The following TOP6BL variants were observed in gnomAD, a reference collection of about 807,000 sequenced individuals.
TOP6BL encodes the protein type 2 DNA topoisomerase 6 subunit B-like.
chr11:66,756,520 C>T, the TOP6BL span: 128 of 1,029,880 alleles, frequency 1.2e-4, 1 homozygote, highest in African/African-American at 1.6e-3. Flanking sequence ...GGAGTGCTTC[C>T]ACCTGCTCCA....
the TOP6BL span, among the ~76,000 whole-genome samples, chr11:66,834,916 A>C: frequency 6.6e-6 from 1 of 151,376 alleles, no homozygotes; most frequent in Non-Finnish European, 1.5e-5. Context: ...ACAAGATAGT[A>C]CTCCAGGGTT....
At chr11:66,758,643 T>C in the TOP6BL span, among the ~76,000 whole-genome samples, 2 of 152,134 alleles carry the variant, frequency 1.3e-5, no homozygotes, top group Non-Finnish European at 2.9e-5. Context: ...TAAAATTGGT[T>C]AGAAGAAGAG....
chr11:66,788,772 C>A, the TOP6BL span, among the ~76,000 whole-genome samples: 1 of 152,076 alleles, frequency 6.6e-6, no homozygotes, highest in Admixed American at 6.6e-5. Context: ...TGTGGTCTTG[C>A]TATGTCGCAC....
At chr11:66,843,471 G>A in the TOP6BL span, 1 of 1,427,400 alleles carries the variant, frequency 7.0e-7, no homozygotes, top group Non-Finnish European at 9.1e-7. Flanking sequence ...GGCGCTGGGC[G>A]GGGATGGGCT....
At chr11:66,782,436 T>G in the TOP6BL span, among the ~76,000 whole-genome samples, 2 of 152,182 alleles carry the variant, frequency 1.3e-5, no homozygotes, top group Admixed American at 1.3e-4. Context: ...ACACAGACTT[T>G]AGTACCCTGC....
the TOP6BL span, among the ~76,000 whole-genome samples, chr11:66,796,770 G>A: frequency 6.9e-6 from 1 of 145,984 alleles, no homozygotes; most frequent in East Asian, 2.0e-4. Context: ...GTGACAGAGC[G>A]AGACCCTGTC....
At chr11:66,777,599 A>G in the TOP6BL span, among the ~76,000 whole-genome samples, 1 of 152,092 alleles carries the variant, frequency 6.6e-6, no homozygotes, top group Non-Finnish European at 1.5e-5. Flanking sequence ...ATTGCTTTGT[A>G]AAAAGTGTTG....
chr11:66,788,355 C>T, the TOP6BL span: 2 of 1,029,864 alleles, frequency 1.9e-6, no homozygotes, highest in African/African-American at 3.3e-5. Context: ...AAGCCTAGGT[C>T]CATCAAAGTT....
chr11:66,825,445 C>T, the TOP6BL span, among the ~76,000 whole-genome samples: 12 of 151,316 alleles, frequency 7.9e-5, no homozygotes, highest in Non-Finnish European at 1.8e-4. Context: ...GAGCTGAGTT[C>T]GCACCATTAC....
chr11:66,778,893 A>G, the TOP6BL span, among the ~76,000 whole-genome samples: 4 of 152,238 alleles, frequency 2.6e-5, no homozygotes, highest in Non-Finnish European at 4.4e-5. Context: ...GACAGACCTG[A>G]CAAAAACAAG....
the TOP6BL span, chr11:66,838,530 G>A: frequency 4.0e-6 from 5 of 1,264,782 alleles, no homozygotes; most frequent in South Asian, 5.0e-5. Context: ...CTATTCCACT[G>A]TACCTTCTAC....
chr11:66,829,915 TAAAC>T, the TOP6BL span, among the ~76,000 whole-genome samples: 13 of 151,994 alleles, frequency 8.6e-5, no homozygotes, highest in African/African-American at 1.4e-4. Context: ...AAATAATAAA[TAAAC>T]AAACATAAAA....
chr11:66,807,228 T>A, the TOP6BL span, among the ~76,000 whole-genome samples: 1 of 152,310 alleles, frequency 6.6e-6, no homozygotes, highest in East Asian at 1.9e-4. Context: ...AACTTGATAA[T>A]TTAGACCAAC....
At chr11:66,796,360 C>G in the TOP6BL span, 7 of 1,603,012 alleles carry the variant, frequency 4.4e-6, no homozygotes, top group Admixed American at 6.8e-5. Context: ...ATGGTGCACC[C>G]TAAGGTAAGC....
the TOP6BL span, among the ~76,000 whole-genome samples, chr11:66,829,888 AAAATAAAT>A: frequency 6.6e-6 from 1 of 152,106 alleles, no homozygotes; most frequent in East Asian, 1.9e-4. Flanking sequence ...CCCTGCCTCA[AAAATAAAT>A]AAATAAATAA....
At chr11:66,760,831 C>T in the TOP6BL span, among the ~76,000 whole-genome samples, 1 of 151,302 alleles carries the variant, frequency 6.6e-6, no homozygotes, top group South Asian at 2.1e-4. Flanking sequence ...AAGGGAACAA[C>T]CAAAAAGCTA....
chr11:66,745,199 T>G, the TOP6BL span, among the ~76,000 whole-genome samples: 1 of 151,662 alleles, frequency 6.6e-6, no homozygotes, highest in African/African-American at 2.4e-5. Context: ...GGGCAGAGCC[T>G]GACGCAGCCT....
At chr11:66,746,302 G>A in the TOP6BL span, among the ~76,000 whole-genome samples, 5 of 152,056 alleles carry the variant, frequency 3.3e-5, no homozygotes, top group Admixed American at 2.6e-4. Context: ...ATAATAATGG[G>A]AGTTGGCCGG....
At chr11:66,770,944 G>A in the TOP6BL span, among the ~76,000 whole-genome samples, 1 of 152,064 alleles carries the variant, frequency 6.6e-6, no homozygotes, top group African/African-American at 2.4e-5. Flanking sequence ...AAGCTGCCAA[G>A]TGTTACTTGT....
Sources: gnomAD v4.1 joint callset for allele counts (sites outside exome capture counted in the v4.1 genomes callset) on GRCh38, gnomAD v4.1.1 for gene constraint, MANE v1.5 for transcripts, NCBI Gene and HGNC (gene_info 2026-07-23, HGNC 2026-07-21) for gene names.